Variants in CADM2 observed in about 807,000 individuals in gnomAD.
CADM2 encodes immunoglobulin superfamily member 4D.
A neutral mutation model predicts 49.8 loss-of-function variants in CADM2; 12 were observed. The observed-to-expected ratio is 0.24, with a 90% CI of 0.15 to 0.39. The LOEUF is 0.39. Ranked by LOEUF, CADM2 falls within the 10% of genes least tolerant of loss-of-function variation. The pLI is 1.00. For missense variants in CADM2, 378 were observed against 492.3 expected (o/e 0.77, Z 2.20); for synonymous variants, 214 against 175.4 (o/e 1.22, Z -1.74).
intron 1 of CADM2, among the ~76,000 whole-genome samples, chr3:85,265,299 A>AT (rs146359517): frequency 0.048 from 7,214 of 151,112 alleles, 476 homozygotes; most frequent in African/African-American, 0.15. Context: ...ATCAAGGAAT[A>AT]TTTTTTTTTG....
intron 1 of CADM2, among the ~76,000 whole-genome samples, chr3:85,192,482 G>A (rs2041231721): frequency 6.6e-6 from 1 of 151,914 alleles, no homozygotes; most frequent in Non-Finnish European, 1.5e-5. Flanking sequence ...CATGTGCTAA[G>A]TGCCTTGAGC....
intron 8 of CADM2, among the ~76,000 whole-genome samples, chr3:86,007,481 GTAAA>G (rs1190735311): frequency 2.6e-5 from 4 of 152,120 alleles, no homozygotes; most frequent in Admixed American, 6.5e-5. Flanking sequence ...AGCAGCCAAG[GTAAA>G]TAAATAAATA....
At chr3:85,589,815 A>G (rs1353775082) in intron 1 of CADM2, among the ~76,000 whole-genome samples, 1 of 152,054 alleles carries the variant, frequency 6.6e-6, no homozygotes, top group Non-Finnish European at 1.5e-5. Flanking sequence ...TAAAAAGAAC[A>G]GTGATCATTA....
At chr3:85,454,120 C>T (rs528992563) in intron 1 of CADM2, among the ~76,000 whole-genome samples, 4 of 151,942 alleles carry the variant, frequency 2.6e-5, no homozygotes, top group Admixed American at 6.6e-5. Flanking sequence ...TTTGGGAGGC[C>T]GAGACGGGCA....
At chr3:85,815,358 CA>C (rs2073146354) in intron 3 of CADM2, among the ~76,000 whole-genome samples, 1 of 152,234 alleles carries the variant, frequency 6.6e-6, no homozygotes, top group South Asian at 2.1e-4. Context: ...AAAATACTGG[CA>C]AACTGTATCC....
chr3:85,941,343 T>A (rs1159116337), intron 7 of CADM2, among the ~76,000 whole-genome samples: 2 of 152,170 alleles, frequency 1.3e-5, no homozygotes, highest in African/African-American at 4.8e-5. Flanking sequence ...TCTCAGGCAA[T>A]GGAATCCAAG....
At chr3:85,449,702 A>C (rs1576577760) in intron 1 of CADM2, among the ~76,000 whole-genome samples, 1 of 152,172 alleles carries the variant, frequency 6.6e-6, no homozygotes, top group African/African-American at 2.4e-5. Context: ...AAAACAGACA[A>C]TCAGTTCTTA....
At chr3:85,384,954 G>A (rs554164356) in intron 1 of CADM2, among the ~76,000 whole-genome samples, 1 of 151,664 alleles carries the variant, frequency 6.6e-6, no homozygotes, top group Non-Finnish European at 1.5e-5. Flanking sequence ...TTATTTTCTT[G>A]AGATGGAGTC....
chr3:85,344,113 C>T (rs941600833), intron 1 of CADM2, among the ~76,000 whole-genome samples: 11 of 152,148 alleles, frequency 7.2e-5, no homozygotes, highest in Middle Eastern at 3.4e-3. Context: ...GCCGGGCTCA[C>T]GCCTGTAATC....
At chr3:85,132,916 T>C (rs2039281112) in intron 1 of CADM2, among the ~76,000 whole-genome samples, 1 of 152,128 alleles carries the variant, frequency 6.6e-6, no homozygotes, top group Admixed American at 6.6e-5. Flanking sequence ...GTGTTACAGC[T>C]CTTAAGGTGG....
chr3:85,307,453 A>G (rs554414609), intron 1 of CADM2, among the ~76,000 whole-genome samples: 2 of 151,918 alleles, frequency 1.3e-5, no homozygotes, highest in South Asian at 4.1e-4. Context: ...ATACCTTCTC[A>G]TGCAACAGTT....
At chr3:85,622,868 T>TTTTTG (rs1292228079) in intron 1 of CADM2, among the ~76,000 whole-genome samples, 2 of 151,900 alleles carry the variant, frequency 1.3e-5, no homozygotes, top group South Asian at 2.1e-4. Flanking sequence ...CTGCAAATTT[T>TTTTTG]TTTTGTTTTG....
chr3:85,722,562 C>G (rs913517279), intron 1 of CADM2, among the ~76,000 whole-genome samples: 6 of 152,182 alleles, frequency 3.9e-5, no homozygotes, highest in Non-Finnish European at 7.4e-5. Flanking sequence ...TCCTTGCTAA[C>G]TATTTACAAA....
intron 1 of CADM2, among the ~76,000 whole-genome samples, chr3:85,185,625 C>A (rs1156897537): frequency 5.9e-5 from 9 of 152,066 alleles, no homozygotes; most frequent in Admixed American, 2.0e-4. Context: ...CCCTGGTTAT[C>A]ATGCTGATAT....
intron 1 of CADM2, among the ~76,000 whole-genome samples, chr3:85,245,590 C>G (rs2042629641): frequency 6.6e-6 from 1 of 151,938 alleles, no homozygotes; most frequent in Non-Finnish European, 1.5e-5. Flanking sequence ...GTCCACCACC[C>G]TTACATACGT....
At chr3:85,639,046 T>C (rs532741767) in intron 1 of CADM2, among the ~76,000 whole-genome samples, 11 of 152,294 alleles carry the variant, frequency 7.2e-5, no homozygotes, top group Non-Finnish European at 1.5e-4. Context: ...GAACCAAAAA[T>C]TATTTTAAAC....
At chr3:86,039,444 C>T (rs1257368343) in intron 8 of CADM2, among the ~76,000 whole-genome samples, 1 of 152,192 alleles carries the variant, frequency 6.6e-6, no homozygotes, top group East Asian at 1.9e-4. Context: ...ATATCCCACG[C>T]CTGGCTCAGA....
intron 1 of CADM2, among the ~76,000 whole-genome samples, chr3:85,572,117 C>T (rs578198693): frequency 4.3e-4 from 66 of 151,920 alleles, no homozygotes; most frequent in African/African-American, 1.3e-3. Flanking sequence ...ACCAACATGG[C>T]GAAACCCTGT....
At chr3:85,793,279 C>T (rs748368502) in intron 2 of CADM2, among the ~76,000 whole-genome samples, 20 of 152,118 alleles carry the variant, frequency 1.3e-4, no homozygotes, top group Non-Finnish European at 2.4e-4. Flanking sequence ...ACTCCTGAAA[C>T]TAACTTAGAT....
Sources: gnomAD v4.1 joint callset for allele counts (sites outside exome capture counted in the v4.1 genomes callset) on GRCh38, gnomAD v4.1.1 for gene constraint, MANE v1.5 for transcripts, NCBI Gene and HGNC (gene_info 2026-07-23, HGNC 2026-07-21) for gene names.